ZNF716: variants seen among roughly 807,000 people sequenced by gnomAD.
ZNF716 encodes zinc finger protein 716.
Under a neutral mutation model 13.4 loss-of-function variants are expected in ZNF716, and 9 were observed. The observed-to-expected ratio is 0.67, with a 90% confidence interval of 0.41 to 1.18. ZNF716 has a LOEUF of 1.18. ZNF716 is among the 50% of genes most tolerant of loss of function. ZNF716 has a pLI of 0.01. For synonymous variants in ZNF716, 186 were observed against 195.2 expected (o/e 0.95, Z 0.39); for missense variants, 581 against 576.6 (o/e 1.01, Z -0.08).
chr7:57,460,955 C>T (rs1789698443), intron 1 of ZNF716, among the ~76,000 whole-genome samples: 1 of 138,826 alleles, frequency 7.2e-6, no homozygotes, highest in African/African-American at 2.6e-5. Context: ...TTCAACTTTG[C>T]AGAAAACTGA....
intron 1 of ZNF716, among the ~76,000 whole-genome samples, chr7:57,462,091 C>T (rs1383363038): frequency 1.3e-5 from 2 of 150,740 alleles, no homozygotes; most frequent in Admixed American, 6.6e-5. Flanking sequence ...ACCCAGGAGG[C>T]GGAGGTTGCA....
In ZNF716 at chr7:57,469,319, C is replaced by G. The variant is rs781842217; in HGVS notation, c.858C>G (p.Tyr286Ter). 24 of 1,589,354 alleles carry G rather than the reference C, an allele frequency of 1.5e-5. 1 individual carries two copies. The Admixed American group carries it at 3.3e-4, about 22-fold the overall frequency. The change falls in exon 4 of 4, where the codon TAC becomes TAG. Residue 286 changes from tyrosine (Y) to a stop codon, truncating the protein, a stop_gained. Transcript: ENST00000420713. LOFTEE classifies it low-confidence loss of function (END_TRUNC). The stretch of plus-strand genomic sequence containing the variant: ...TTAGCCGCTCAACACTTACTAACTA[C>G]AAGAGAATTCATACTGGAGAGAAAC... The part of the protein sequence containing the change: ...KVFSRSTLTN[Y>*]KRIHTGEKPY...
chr7:57,457,073 C>T (rs1413958371), intron 1 of ZNF716, among the ~76,000 whole-genome samples: 1 of 152,218 alleles, frequency 6.6e-6, no homozygotes, highest in African/African-American at 2.4e-5. Context: ...TTCAAGAATT[C>T]CACCACAGCA....
intron 1 of ZNF716, among the ~76,000 whole-genome samples, chr7:57,460,751 A>AACATGT (rs1760416250): frequency 6.6e-6 from 1 of 152,142 alleles, no homozygotes. Flanking sequence ...TGAAAAGTGA[A>AACATGT]ACATGTCATG....
At position 57,459,069 on chromosome 7, in the gene ZNF716, A is replaced by G. The variant is rs1789656645; in HGVS notation, c.40-3391A>G. On this transcript the variant is annotated intron_variant, in intron 1 of 3. Coordinates refer to ENST00000420713, the MANE Select transcript of ZNF716 (RefSeq NM_001159279.1). ...TAGCCATTTGGAAGCTGATTATTCA[A>G]TTTTTATGTAATTGTATCATTTCAC... 2.0e-5 allele frequency among the ~76,000 whole-genome samples: 3 copies of G among 152,286 alleles called. No homozygotes were observed. In the South Asian group the frequency reaches 6.2e-4, roughly 32 times the overall value.
Position 57,473,396 on chromosome 7 carries a change from C to T in ZNF716, c.*3447C>T, listed in dbSNP as rs1250927877. Reference sequence around the variant, plus strand: ...TTAGCTGGGCATGGTGGTGCATGCCCATGGTCCCAGTTACTCAGGAGGCTG... The same window carrying T: ...TTAGCTGGGCATGGTGGTGCATGCCTATGGTCCCAGTTACTCAGGAGGCTG... On this transcript the variant is annotated 3_prime_UTR_variant, in exon 4 of 4. Transcript: ENST00000420713. 1 of 151,952 alleles carries T rather than the reference C, an allele frequency of 6.6e-6. No homozygotes were observed. Among genetic ancestry groups the T allele is most frequent in the South Asian group, 2.1e-4 (1 of 4,818 alleles). The allele number at this position is 151,952 out of a possible 1,614,324, so 9.4% of individuals were successfully genotyped here. A position where few individuals can be genotyped will look rare whatever the true frequency, so the allele number is the denominator to read the frequency against.
chr7:57,450,194 C>G lies in ZNF716; in HGVS notation c.-95C>G. The G allele has an allele frequency of 3.2e-6, 5 of 1,580,516 alleles. No homozygotes were observed. The highest frequency in any genetic ancestry group is 4.3e-6 in the Non-Finnish European group (5 of 1,157,308). On this transcript the variant is annotated 5_prime_UTR_variant, in exon 1 of 4. Coordinates refer to ENST00000420713, the MANE Select transcript of ZNF716 (RefSeq NM_001159279.1). ...TACGGGTTCTTTTTGCTTCTCTGCG[C>G]CCAGAGCTCCAGTCCTTCTCTTCAC...
chr7:57,459,626 A>G (rs1252460137), intron 1 of ZNF716, among the ~76,000 whole-genome samples: 9 of 152,164 alleles, frequency 5.9e-5, no homozygotes, highest in African/African-American at 2.2e-4. Context: ...GGCCAAGATT[A>G]CCAAGTGATT....
At chr7:57,460,911 A>G (rs138141167) in intron 1 of ZNF716, among the ~76,000 whole-genome samples, 133 of 152,286 alleles carry the variant, frequency 8.7e-4, no homozygotes, top group African/African-American at 3.1e-3. Flanking sequence ...TAAAATTACT[A>G]TTAAAAATTA....
chr7:57,467,809 T>C (rs1789842093), intron 3 of ZNF716, among the ~76,000 whole-genome samples: 1 of 152,064 alleles, frequency 6.6e-6, no homozygotes, highest in Non-Finnish European at 1.5e-5. Flanking sequence ...GATATTCTTA[T>C]TTTTCTGATA....
intron 1 of ZNF716, among the ~76,000 whole-genome samples, chr7:57,462,182 C>T (rs548778104): frequency 6.6e-6 from 1 of 151,222 alleles, no homozygotes; most frequent in African/African-American, 2.4e-5. Context: ...AAAGACATGT[C>T]CATATTGATG....
intron 1 of ZNF716, among the ~76,000 whole-genome samples, chr7:57,458,623 A>G (rs1554322501): frequency 6.6e-6 from 1 of 152,106 alleles, no homozygotes; most frequent in African/African-American, 2.4e-5. Context: ...GGGTTTCACC[A>G]TGTTGGCCAG....
chr7:57,461,431 T>C (rs1554323076), intron 1 of ZNF716, among the ~76,000 whole-genome samples: 1 of 152,230 alleles, frequency 6.6e-6, no homozygotes, highest in Non-Finnish European at 1.5e-5. Flanking sequence ...TATGGCATTT[T>C]TTCTACTATA....
In ZNF716 at chr7:57,468,959, T is replaced by C. The variant is rs1789864380; in HGVS notation, c.498T>C (p.Phe166=). ...AGACTCATAAATGCGTCAAAGTCTT[T>C]GGTAAATTTTCAAATTCCAATAGAC... ...TFQTHKCVKV[F]GKFSNSNRHK... The change falls in exon 4 of 4, where the codon TTT becomes TTC. Residue 166 remains phenylalanine, a synonymous_variant. Coordinates refer to ENST00000420713, the MANE Select transcript of ZNF716 (RefSeq NM_001159279.1). 1 of 1,609,342 alleles carries C rather than the reference T, an allele frequency of 6.2e-7. No individual in the cohort carries two copies. The highest frequency in any genetic ancestry group is 8.5e-7 in the Non-Finnish European group (1 of 1,177,402).
chr7:57,460,126 G>T (rs1583718483), intron 1 of ZNF716, among the ~76,000 whole-genome samples: 1 of 152,140 alleles, frequency 6.6e-6, no homozygotes, highest in Non-Finnish European at 1.5e-5. Flanking sequence ...GGTGGCTCAC[G>T]CCTGTAATCC....
At chr7:57,467,055 T>C (rs1407541389) in intron 3 of ZNF716, among the ~76,000 whole-genome samples, 1 of 148,888 alleles carries the variant, frequency 6.7e-6, no homozygotes, top group African/African-American at 2.5e-5. Flanking sequence ...ATAAAGATTT[T>C]TTCTTTGTGC....
Position 57,462,538 on chromosome 7 carries a change from T to G in ZNF716, c.118T>G (p.Leu40Val). The G allele has an allele frequency of 6.2e-7, 1 of 1,613,710 alleles. No individual in the cohort carries two copies. The highest frequency in any genetic ancestry group is 8.5e-7 in the Non-Finnish European group (1 of 1,179,786). The change falls in exon 2 of 4, where the codon TTA (leucine) becomes GTA (valine). Residue 40 changes from leucine to valine, a missense_variant. Coordinates refer to ENST00000420713, the MANE Select transcript of ZNF716 (RefSeq NM_001159279.1). Reference protein sequence around the residue: ...WQCLDHAQQNLYRDVMLENYR... With the variant: ...WQCLDHAQQNVYRDVMLENYR... ...ATGCCTGGATCATGCTCAGCAGAAT[T>G]TATATAGAGATGTGATGTTAGAGAA...
intron 1 of ZNF716, among the ~76,000 whole-genome samples, chr7:57,455,474 T>G (rs1258711848): frequency 6.6e-6 from 1 of 152,138 alleles, no homozygotes; most frequent in East Asian, 1.9e-4. Flanking sequence ...GAAAAAATGT[T>G]TCTCTTAAGC....
chr7:57,455,944 T>G (rs1439003413), intron 1 of ZNF716, among the ~76,000 whole-genome samples: 2 of 151,526 alleles, frequency 1.3e-5, no homozygotes, highest in Non-Finnish European at 2.9e-5. Flanking sequence ...TTTTTTGTTT[T>G]TTTGTTTGTT....
Sources: gnomAD v4.1 joint callset for allele counts (sites outside exome capture counted in the v4.1 genomes callset) on GRCh38, gnomAD v4.1.1 for gene constraint, MANE v1.5 for transcripts, NCBI Gene and HGNC (gene_info 2026-07-23, HGNC 2026-07-21) for gene names.